The following MMS22L variants were observed in gnomAD, a reference collection of about 807,000 sequenced individuals.
MMS22L encodes protein MMS22-like.
MMS22L carries 74 observed loss-of-function variants against 159.1 expected under a neutral mutation model. The ratio of observed to expected loss-of-function variants is 0.47; its 90% CI spans 0.39 to 0.56. The LOEUF (loss-of-function observed/expected upper bound fraction) is 0.56. Among genes scored for constraint, MMS22L ranks in the 20% least tolerant of loss-of-function variants. MMS22L has a pLI of 0.00. For synonymous variants in MMS22L, 517 were observed against 506.9 expected, an observed-to-expected ratio of 1.02 and a Z score of -0.27; for missense variants, 1,351 against 1,422.1, an observed-to-expected ratio of 0.95 and a Z score of 0.80.
intron 19 of MMS22L, among the ~76,000 whole-genome samples, chr6:97,171,695 G>T (rs1803563947): frequency 6.6e-6 from 1 of 152,130 alleles, no homozygotes; most frequent in South Asian, 2.1e-4. Context: ...CCTTGTAAGT[G>T]AACAGCAGAG....
chr6:97,170,174 A>G (rs1803381605), intron 19 of MMS22L, among the ~76,000 whole-genome samples: 1 of 152,182 alleles, frequency 6.6e-6, no homozygotes, highest in Non-Finnish European at 1.5e-5. Flanking sequence ...CTGCGGTTTC[A>G]GGCATCCACT....
At chr6:97,243,354 A>C (rs1812285405) in intron 11 of MMS22L, among the ~76,000 whole-genome samples, 1 of 151,892 alleles carries the variant, frequency 6.6e-6, no homozygotes, top group Non-Finnish European at 1.5e-5. Context: ...TCTTTCTTCT[A>C]CTTGTTTGAT....
At chr6:97,182,126 C>T in intron 15 of MMS22L, 72 bp from the exon 16 acceptor site, 1 of 1,157,180 alleles carries the variant, frequency 8.6e-7, no homozygotes, top group Non-Finnish European at 1.2e-6. Context: ...CACCCCTGGC[C>T]AATTATAACA....
chr6:97,201,872 C>T (rs1247691142), intron 14 of MMS22L, among the ~76,000 whole-genome samples: 1 of 152,194 alleles, frequency 6.6e-6, no homozygotes, highest in African/African-American at 2.4e-5. Context: ...ACATTTTCAA[C>T]TGGTACACAT....
chr6:97,242,181 G>C (rs1027282111), intron 11 of MMS22L, among the ~76,000 whole-genome samples: 1 of 152,112 alleles, frequency 6.6e-6, no homozygotes, highest in African/African-American at 2.4e-5. Flanking sequence ...GACCTGACTA[G>C]TGTTGTCAGT....
chr6:97,278,924 G>C (rs1816494593), intron 3 of MMS22L, 26 bp from the exon 4 acceptor site: 2 of 1,601,248 alleles, frequency 1.2e-6, no homozygotes, highest in Non-Finnish European at 1.7e-6. Flanking sequence ...TAAGGTGAGA[G>C]TTAATTTTAG....
At chr6:97,193,131 C>G (rs1806068454) in intron 14 of MMS22L, among the ~76,000 whole-genome samples, 3 of 152,132 alleles carry the variant, frequency 2.0e-5, no homozygotes, top group Admixed American at 1.3e-4. Flanking sequence ...GGTGATATAC[C>G]AGATGCATAC....
At chr6:97,246,001 A>C in intron 11 of MMS22L, 1 of 240,384 alleles carries the variant, frequency 4.2e-6, no homozygotes, top group Non-Finnish European at 8.5e-6. Context: ...ATTTATTATA[A>C]TTCTCCATAA....
At chr6:97,242,526 T>C (rs1414377812) in intron 11 of MMS22L, among the ~76,000 whole-genome samples, 1 of 152,232 alleles carries the variant, frequency 6.6e-6, no homozygotes, top group Middle Eastern at 3.2e-3. Context: ...ACTTGGTTGG[T>C]GAATTTTTAT....
At chr6:97,155,743 T>C (rs1801769648) in intron 22 of MMS22L, among the ~76,000 whole-genome samples, 1 of 152,188 alleles carries the variant, frequency 6.6e-6, no homozygotes, top group South Asian at 2.1e-4. Context: ...TTCCAAGTAT[T>C]GATGACTTCA....
chr6:97,203,599 TTC>T (rs1489239100), intron 14 of MMS22L, among the ~76,000 whole-genome samples: 2 of 152,204 alleles, frequency 1.3e-5, no homozygotes, highest in Admixed American at 6.5e-5. Flanking sequence ...TGTCCTTTCA[TTC>T]CACAGGATCA....
At chr6:97,276,023 G>C (rs577836372) in intron 4 of MMS22L, among the ~76,000 whole-genome samples, 1 of 152,016 alleles carries the variant, frequency 6.6e-6, no homozygotes, top group Non-Finnish European at 1.5e-5. Flanking sequence ...ACAAAGAGAC[G>C]GAAAGAGAGA....
rs2128076669 is a variant in MMS22L at position 97,263,319 on chromosome 6, C to A, written c.942+16G>T. 2 of 1,468,230 alleles carry A rather than the reference C, an allele frequency of 1.4e-6. No individual in the cohort carries two copies. The highest frequency in any genetic ancestry group is 1.9e-6 in the Non-Finnish European group (2 of 1,064,290). 91.0% of individuals were successfully genotyped at this position (1,468,230 alleles called of 1,614,324 possible). A position where few individuals can be genotyped will look rare whatever the true frequency, so the allele number is the denominator to read the frequency against. On this transcript the variant is annotated intron_variant, in intron 9 of 24. Transcript: ENST00000683635. The stretch of plus-strand genomic sequence containing the variant: ...AGGTTAGTAACAATAACCAACACAT[C>A]AATTTTCCAACTTACTTCCGAGACA...
intron 15 of MMS22L, among the ~76,000 whole-genome samples, chr6:97,182,444 G>A (rs1804810099): frequency 1.3e-5 from 2 of 152,032 alleles, no homozygotes; most frequent in African/African-American, 4.8e-5. Flanking sequence ...TCTGCCACAG[G>A]TGAACAGTTC....
chr6:97,176,575 C>T (rs1161137097), intron 18 of MMS22L, among the ~76,000 whole-genome samples: 1 of 152,036 alleles, frequency 6.6e-6, no homozygotes, highest in Non-Finnish European at 1.5e-5. Flanking sequence ...AATAATATGG[C>T]TTATGCTGAA....
chr6:97,189,689 T>C (rs1320289591), intron 14 of MMS22L, among the ~76,000 whole-genome samples: 2 of 149,656 alleles, frequency 1.3e-5, no homozygotes, highest in African/African-American at 2.5e-5. Flanking sequence ...CAACTAAGGG[T>C]AAGACACTGA....
At chr6:97,207,439 T>C (rs1420028142) in intron 14 of MMS22L, among the ~76,000 whole-genome samples, 1 of 152,210 alleles carries the variant, frequency 6.6e-6, no homozygotes, top group East Asian at 1.9e-4. Flanking sequence ...CCTAAAAACA[T>C]AATTTCATTA....
intron 10 of MMS22L, chr6:97,254,338 T>C: frequency 2.1e-6 from 1 of 473,600 alleles, no homozygotes; most frequent in Non-Finnish European, 3.7e-6. Context: ...GGGCCAGGAC[T>C]ACATACCAAA....
At chr6:97,211,029 T>A (rs1184244058) in intron 14 of MMS22L, among the ~76,000 whole-genome samples, 1 of 152,016 alleles carries the variant, frequency 6.6e-6, no homozygotes, top group Non-Finnish European at 1.5e-5. Flanking sequence ...TCTACTATAC[T>A]ATAAGCTCTA....
Sources: gnomAD v4.1 joint callset for allele counts (sites outside exome capture counted in the v4.1 genomes callset) on GRCh38, gnomAD v4.1.1 for gene constraint, MANE v1.5 for transcripts, NCBI Gene and HGNC (gene_info 2026-07-23, HGNC 2026-07-21) for gene names.